The following PRICKLE2 variants were observed in gnomAD, a reference collection of about 807,000 sequenced individuals.
PRICKLE2 encodes the protein prickle planar cell polarity protein 2.
In PRICKLE2, 21 loss-of-function variants were observed where a neutral mutation model predicts 81.4. The observed-to-expected ratio is 0.26, with a 90% CI of 0.18 to 0.37. PRICKLE2 has a LOEUF of 0.37. Among genes scored for constraint, PRICKLE2 ranks in the 10% least tolerant of loss-of-function variants. The pLI, the probability that PRICKLE2 is intolerant of heterozygous loss-of-function variation, is 1.00. For missense variants in PRICKLE2, 940 were observed against 1,109.0 expected (o/e 0.85, Z 2.16); for synonymous variants, 456 against 421.5 (o/e 1.08, Z -1.00).
chr3:64,151,678 C>G (rs2077549975), intron 6 of PRICKLE2, among the ~76,000 whole-genome samples: 1 of 152,206 alleles, frequency 6.6e-6, no homozygotes, highest in Non-Finnish European at 1.5e-5. Context: ...TTGGGCAATA[C>G]TGAGTCAAGA....
chr3:64,228,207 G>T (rs906404324), upstream of PRICKLE2, among the ~76,000 whole-genome samples: 46 of 152,140 alleles, frequency 3.0e-4, no homozygotes, highest in African/African-American at 1.1e-3. Context: ...GGGACAACAT[G>T]GTGACCAAGA....
chr3:64,107,724 A>G (rs2076779024), intron 7 of PRICKLE2, among the ~76,000 whole-genome samples: 1 of 152,160 alleles, frequency 6.6e-6, no homozygotes, highest in Non-Finnish European at 1.5e-5. Flanking sequence ...GTGTGCACCT[A>G]TAGTCCCAGC....
At chr3:64,141,139 C>A (rs1368899682) in intron 7 of PRICKLE2, among the ~76,000 whole-genome samples, 1 of 152,198 alleles carries the variant, frequency 6.6e-6, no homozygotes, top group Non-Finnish European at 1.5e-5. Flanking sequence ...CAGGTCATAG[C>A]CAGTGGTCTA....
At chr3:64,116,507 G>T (rs1559517925) in intron 7 of PRICKLE2, among the ~76,000 whole-genome samples, 1 of 151,980 alleles carries the variant, frequency 6.6e-6, no homozygotes, top group African/African-American at 2.4e-5. Flanking sequence ...GAAATGACAA[G>T]AAGGATATTA....
chr3:64,231,334 A>T (rs1413494241), intron 2 of PRICKLE2, among the ~76,000 whole-genome samples: 1 of 152,180 alleles, frequency 6.6e-6, no homozygotes, highest in Non-Finnish European at 1.5e-5. Context: ...TTCCATGAAA[A>T]TATTGTTAAA....
chr3:64,219,163 C>T (rs900012617), intron 1 of PRICKLE2, among the ~76,000 whole-genome samples: 13 of 152,132 alleles, frequency 8.5e-5, no homozygotes, highest in African/African-American at 3.1e-4. Flanking sequence ...TAGTTCCCCG[C>T]CAAGAGTGGC....
chr3:64,216,877 G>T (rs1368862327), intron 1 of PRICKLE2, among the ~76,000 whole-genome samples: 2 of 152,210 alleles, frequency 1.3e-5, no homozygotes, highest in Non-Finnish European at 2.9e-5. Flanking sequence ...TCCACAGGAT[G>T]CAAGGGTGGG....
At chr3:64,164,611 C>T (rs1237606692) in intron 2 of PRICKLE2, among the ~76,000 whole-genome samples, 1 of 152,146 alleles carries the variant, frequency 6.6e-6, no homozygotes. Context: ...TAACCATTAA[C>T]CATCATGTGC....
Position 64,224,941 on chromosome 3 carries a change from G to A in PRICKLE2, c.-72C>T. 1.0e-6 allele frequency: 1 copy of A among 985,328 alleles called. No individual in the cohort carries two copies. Among genetic ancestry groups the A allele is most frequent in the Non-Finnish European group, 1.2e-6 (1 of 829,920 alleles). 61.0% of individuals were successfully genotyped at this position (985,328 alleles called of 1,614,324 possible). A position where few individuals can be genotyped will look rare whatever the true frequency, so the allele number is the denominator to read the frequency against. On this transcript the variant is annotated 5_prime_UTR_variant, in exon 1 of 8. Transcript: ENST00000638394. ...GGAGGATGAAATGCCCAGTCTCGGA[G>A]GAAGCTTCTGCCAGACCCTTGGAGC...
chr3:64,116,578 A>G (rs909258299), intron 7 of PRICKLE2, among the ~76,000 whole-genome samples: 6 of 152,244 alleles, frequency 3.9e-5, no homozygotes, highest in Non-Finnish European at 7.3e-5. Flanking sequence ...CTCTATGTAC[A>G]TAAACTAGAA....
intron 7 of PRICKLE2, among the ~76,000 whole-genome samples, chr3:64,118,786 G>A (rs1121245): frequency 0.057 from 8,676 of 152,208 alleles, 594 homozygotes; most frequent in East Asian, 0.28. Context: ...TGAGGGTGTC[G>A]ATTAGTTCAA....
chr3:64,225,240 G>A lies in PRICKLE2; in HGVS notation c.-371C>T, dbSNP rs886058805. 50 of 985,276 alleles carry A rather than the reference G, an allele frequency of 5.1e-5. No homozygotes were observed. Among genetic ancestry groups the A allele is most frequent in the Middle Eastern group, 5.2e-4 (1 of 1,936 alleles). The allele number at this position is 985,276 out of a possible 1,614,324, so 61.0% of individuals were successfully genotyped here. ...AGCCTGAGTGCTCAGATCGCCTTCC[G>A]GAGGACCCCCAGTTTCCTCTTAACT... is the stretch of plus-strand genomic sequence containing the variant. On this transcript the variant is annotated 5_prime_UTR_variant, in exon 1 of 8. Transcript: ENST00000638394.
At position 64,147,141 on chromosome 3, in the gene PRICKLE2, T is replaced by A; in HGVS notation, c.1349A>T (p.Lys450Ile). 1 of 1,614,158 alleles carries A rather than the reference T, an allele frequency of 6.2e-7. No homozygotes were observed. The highest frequency in any genetic ancestry group is 8.5e-7 in the Non-Finnish European group (1 of 1,180,028). The change falls in exon 7 of 8, where the codon AAA (lysine) becomes ATA (isoleucine). Residue 450 changes from lysine (K) to isoleucine (I), a missense_variant. Transcript: ENST00000638394. The surrounding 1 kb of genome is among the most constrained non-coding windows in gnomAD (Gnocchi z 5.0). ...TGTCATGGCCAGTGACGAGCTCCTT[T>A]TGGGGTTGCTGAAGTGCTTGCCCCA... is the stretch of plus-strand genomic sequence containing the variant. ...EMWGKHFSNP[K>I]RSSSLAMTGH...
intron 2 of PRICKLE2, among the ~76,000 whole-genome samples, chr3:64,183,103 A>C (rs2078163044): frequency 6.6e-6 from 1 of 151,650 alleles, no homozygotes; most frequent in South Asian, 2.1e-4. Context: ...GAAAAGGCTT[A>C]AAATAAAAGA....
intron 2 of PRICKLE2, among the ~76,000 whole-genome samples, chr3:64,190,516 C>T (rs578093723): frequency 3.9e-5 from 6 of 152,274 alleles, no homozygotes; most frequent in African/African-American, 1.4e-4. Flanking sequence ...ACTGTTTTGT[C>T]CCCAGCGCCC....
At chr3:64,206,764 G>A (rs2107129248) in intron 1 of PRICKLE2, among the ~76,000 whole-genome samples, 1 of 152,362 alleles carries the variant, frequency 6.6e-6, no homozygotes, top group East Asian at 1.9e-4. Context: ...CCCAAGGCAG[G>A]CAAGGCCAGA....
Position 64,153,418 on chromosome 3 carries a change from T to G in PRICKLE2, c.601-50A>C, listed in dbSNP as rs80197854. On this transcript the variant is annotated intron_variant, in intron 5 of 7. Coordinates refer to ENST00000638394, the MANE Select transcript of PRICKLE2 (RefSeq NM_198859.4). Reference sequence around the variant, plus strand: ...CAGTGTGTAAAACCCATCCAGAACATATTTTAAAGGAAGAAAGCTATGGGG... The same window carrying G: ...CAGTGTGTAAAACCCATCCAGAACAGATTTTAAAGGAAGAAAGCTATGGGG... The G allele has an allele frequency of 3.1e-3, 4,904 of 1,583,754 alleles. 199 individuals carry two copies. The East Asian group carries it at 0.092, about 30-fold the overall frequency.
chr3:64,236,872 T>C (rs2079188897), intron 2 of PRICKLE2, among the ~76,000 whole-genome samples: 1 of 152,202 alleles, frequency 6.6e-6, no homozygotes, highest in Non-Finnish European at 1.5e-5. Flanking sequence ...CCAGGAGTGC[T>C]CAGTAAGTGT....
intron 2 of PRICKLE2, among the ~76,000 whole-genome samples, chr3:64,191,193 A>G (rs2078327081): frequency 6.6e-6 from 1 of 152,146 alleles, no homozygotes. Flanking sequence ...GATTGCTACA[A>G]ACCCTATGCT....
Sources: gnomAD v4.1 joint callset for allele counts (sites outside exome capture counted in the v4.1 genomes callset) on GRCh38, gnomAD v4.1.1 for gene constraint, Gnocchi (gnomAD v3.1) non-coding constraint, MANE v1.5 for transcripts, NCBI Gene and HGNC (gene_info 2026-07-23, HGNC 2026-07-21) for gene names.